The following C8orf34 variants were observed in gnomAD, a reference collection of about 807,000 sequenced individuals.
C8orf34 encodes chromosome 8 open reading frame 34.
A neutral mutation model predicts 68.3 loss-of-function variants in C8orf34; 65 were observed. That is an observed-to-expected ratio of 0.95 (90% CI 0.78 to 1.17). C8orf34 has a LOEUF of 1.17. Ranked by LOEUF, C8orf34 falls within the 50% of genes most tolerant of loss-of-function variation. C8orf34 has a pLI of 0.00. For synonymous variants in C8orf34, 244 were observed against 241.2 expected, an observed-to-expected ratio of 1.01 and a Z score of -0.11; for missense variants, 664 against 655.4, an observed-to-expected ratio of 1.01 and a Z score of -0.14.
chr8:68,334,038 T>C (rs1336056818), intron 1 of C8orf34, among the ~76,000 whole-genome samples: 1 of 152,256 alleles, frequency 6.6e-6, no homozygotes, highest in Admixed American at 6.5e-5. Flanking sequence ...TATTCACTGA[T>C]ATTGAGAATA....
chr8:68,622,484 A>G (rs1291455089), intron 7 of C8orf34, among the ~76,000 whole-genome samples: 1 of 152,198 alleles, frequency 6.6e-6, no homozygotes, highest in Non-Finnish European at 1.5e-5. Context: ...GTAAGTGAGA[A>G]AGGGACCAGA....
rs369533155 is a variant in C8orf34 at position 68,446,498 on chromosome 8, G to T, written c.607+38G>T. On this transcript the variant is annotated intron_variant, in intron 3 of 13. Coordinates refer to ENST00000518698, the MANE Select transcript of C8orf34 (RefSeq NM_052958.4). ...CTTATTCAAATGCTATTCAAAGCAT[G>T]TAAGTTTATGTTGTTAAGAAAATGA... 5 of 1,573,984 alleles carry T rather than the reference G, an allele frequency of 3.2e-6. No individual in the cohort carries two copies. In the African/African-American group the frequency reaches 6.9e-5, roughly 22 times the overall value.
chr8:68,816,062 T>G, intron 13 of C8orf34, 117 bp downstream of exon 13: 1 of 1,537,060 alleles, frequency 6.5e-7, no homozygotes, highest in Non-Finnish European at 8.9e-7. Flanking sequence ...TGAGAATAGG[T>G]TTTTCTCCAA....
chr8:68,518,250 C>T (rs888497674), intron 5 of C8orf34, among the ~76,000 whole-genome samples: 6 of 152,180 alleles, frequency 3.9e-5, no homozygotes, highest in African/African-American at 1.2e-4. Context: ...GGTGAGACTA[C>T]CACTGCTGAA....
At position 68,521,805 on chromosome 8, in the gene C8orf34, G is replaced by A; in HGVS notation, c.772G>A (p.Val258Met). 1 of 1,611,160 alleles carries A rather than the reference G, an allele frequency of 6.2e-7. No homozygotes were observed. Among genetic ancestry groups the A allele is most frequent in the Non-Finnish European group, 8.5e-7 (1 of 1,178,544 alleles). ...AISDELDKET[V>M]TFNSSLLRPR... ...ATTCTTTTCTTCTCTTCAGGAAACA[G>A]TGACATTTAATTCTTCTCTTCTGAG... is the stretch of plus-strand genomic sequence containing the variant. The change falls in exon 6 of 14, where the codon GTG becomes ATG. Residue 258 changes from valine to methionine, a missense_variant. Val to Met is a conservative substitution (Grantham distance 21, BLOSUM62 1). Transcript: ENST00000518698.
intron 8 of C8orf34, among the ~76,000 whole-genome samples, chr8:68,699,028 C>T (rs560717779): frequency 1.6e-4 from 24 of 152,016 alleles, no homozygotes; most frequent in Non-Finnish European, 2.2e-4. Flanking sequence ...TATACCCTGT[C>T]GGCAATATCA....
chr8:68,617,930 T>C (rs954235992), intron 7 of C8orf34, among the ~76,000 whole-genome samples: 8 of 152,110 alleles, frequency 5.3e-5, no homozygotes, highest in African/African-American at 9.7e-5. Context: ...ACCAATCAGA[T>C]GTAGATTTGG....
At chr8:68,725,991 C>T (rs1321695249) in intron 10 of C8orf34, among the ~76,000 whole-genome samples, 1 of 152,090 alleles carries the variant, frequency 6.6e-6, no homozygotes, top group South Asian at 2.1e-4. Context: ...TCACTGCAAC[C>T]TCCGCCTCCT....
At chr8:68,614,410 T>G (rs1818128266) in intron 7 of C8orf34, among the ~76,000 whole-genome samples, 1 of 152,212 alleles carries the variant, frequency 6.6e-6, no homozygotes, top group Non-Finnish European at 1.5e-5. Flanking sequence ...TTCTAGGGTT[T>G]TTATGGTTTT....
chr8:68,492,016 C>G lies in C8orf34; in HGVS notation c.765+3965C>G, dbSNP rs550375536. On this transcript the variant is annotated intron_variant, in intron 5 of 13. Transcript: ENST00000518698. Reference sequence around the variant, plus strand: ...TGTTGGGTGTTTACACGCTTCTTTCCTCATCTTCTCCTGGCTCCCTCATTC... The same window carrying G: ...TGTTGGGTGTTTACACGCTTCTTTCGTCATCTTCTCCTGGCTCCCTCATTC... 3.1e-4 allele frequency among the ~76,000 whole-genome samples: 47 copies of G among 152,256 alleles called. 1 individual carries two copies.
chr8:68,532,504 G>A (rs1815291783), intron 6 of C8orf34, among the ~76,000 whole-genome samples: 1 of 151,922 alleles, frequency 6.6e-6, no homozygotes, highest in African/African-American at 2.4e-5. Context: ...CAATGAGGGA[G>A]AGAATAGTCT....
At chr8:68,551,809 T>G (rs1222822121) in intron 7 of C8orf34, among the ~76,000 whole-genome samples, 1 of 152,140 alleles carries the variant, frequency 6.6e-6, no homozygotes, top group Non-Finnish European at 1.5e-5. Flanking sequence ...AGTCAGAATG[T>G]CTAAAAATAA....
chr8:68,618,319 A>G (rs898743937), intron 7 of C8orf34, among the ~76,000 whole-genome samples: 3 of 152,100 alleles, frequency 2.0e-5, no homozygotes, highest in African/African-American at 7.2e-5. Flanking sequence ...TTCTTTATCT[A>G]AATATAGTTC....
chr8:68,733,574 T>G (rs1822043637), intron 10 of C8orf34, among the ~76,000 whole-genome samples: 1 of 151,510 alleles, frequency 6.6e-6, no homozygotes, highest in Non-Finnish European at 1.5e-5. Context: ...CTTATATGAT[T>G]TTTTTTTTAA....
intron 1 of C8orf34, among the ~76,000 whole-genome samples, chr8:68,356,809 G>A (rs1038514586): frequency 9.2e-5 from 14 of 152,006 alleles, no homozygotes; most frequent in African/African-American, 2.9e-4. Flanking sequence ...ATTTTAGATT[G>A]GAAGTTTTCC....
intron 7 of C8orf34, among the ~76,000 whole-genome samples, chr8:68,612,977 C>G (rs558563263): frequency 1.2e-4 from 19 of 152,096 alleles, no homozygotes; most frequent in Non-Finnish European, 2.5e-4. Flanking sequence ...CGAGAATTGG[C>G]TGGCTTTGTT....
At chr8:68,678,415 G>A (rs1321807484) in intron 8 of C8orf34, among the ~76,000 whole-genome samples, 1 of 152,156 alleles carries the variant, frequency 6.6e-6, no homozygotes, top group Non-Finnish European at 1.5e-5. Context: ...TATCAGGGAT[G>A]CAAGGATGGT....
chr8:68,443,946 AT>A (rs113031373), intron 2 of C8orf34, among the ~76,000 whole-genome samples: 18,132 of 151,484 alleles, frequency 0.12, 1,248 homozygotes, highest in African/African-American at 0.17. Context: ...ATACTTATGA[AT>A]TTTTTTTTAC....
intron 7 of C8orf34, among the ~76,000 whole-genome samples, chr8:68,580,505 A>G (rs917893780): frequency 1.3e-5 from 2 of 152,146 alleles, no homozygotes; most frequent in Non-Finnish European, 2.9e-5. Flanking sequence ...TACAATGATA[A>G]CATTACACTT....
Sources: gnomAD v4.1 joint callset for allele counts (sites outside exome capture counted in the v4.1 genomes callset) on GRCh38, gnomAD v4.1.1 for gene constraint, MANE v1.5 for transcripts, NCBI Gene and HGNC (gene_info 2026-07-23, HGNC 2026-07-21) for gene names.